Variants in FGD3 observed in about 807,000 individuals in gnomAD.
FGD3 encodes the protein FYVE, RhoGEF and PH domain-containing protein 3.
In FGD3, 45 loss-of-function variants were observed where a neutral mutation model predicts 71.8. That is an observed-to-expected ratio of 0.63 (90% CI 0.49 to 0.80). FGD3 has a LOEUF of 0.80. Among genes scored for constraint, FGD3 ranks in the 30% least tolerant of loss-of-function variants. The pLI, the probability that FGD3 is intolerant of heterozygous loss-of-function variation, is 0.00. For synonymous variants in FGD3, 378 were observed against 392.8 expected, an observed-to-expected ratio of 0.96 and a Z score of 0.44; for missense variants, 844 against 951.5, an observed-to-expected ratio of 0.89 and a Z score of 1.49.
In FGD3 at chr9:92,991,922, T is replaced by G. The variant is rs189774984; in HGVS notation, c.454-11003T>G. Reference sequence around the variant, plus strand: ...TAATGTCTTTCTTTGTTTCTTTTTATAGTTTTTGACTTGAAGTCTTCTTCG... The same window carrying G: ...TAATGTCTTTCTTTGTTTCTTTTTAGAGTTTTTGACTTGAAGTCTTCTTCG... On this transcript the variant is annotated intron_variant, in intron 3 of 17. Coordinates refer to ENST00000375482, the MANE Select transcript of FGD3 (RefSeq NM_001083536.2). 1.1e-4 allele frequency among the ~76,000 whole-genome samples: 17 copies of G among 152,348 alleles called. No individual in the cohort carries two copies. In the East Asian group the frequency reaches 3.1e-3, roughly 28 times the overall value.
chr9:93,028,218 GCACACA>G (rs547210870), intron 14 of FGD3, among the ~76,000 whole-genome samples: 173 of 141,108 alleles, frequency 1.2e-3, no homozygotes, highest in African/African-American at 4.3e-3. Context: ...ACACACACAC[GCACACA>G]CACACACACA....
At chr9:93,010,182 G>T (rs576789447) in intron 6 of FGD3, 64 bp from the exon 7 acceptor site, 6 of 1,525,778 alleles carry the variant, frequency 3.9e-6, no homozygotes, top group Admixed American at 1.9e-5. Context: ...GTGGCCAGAA[G>T]CCGGTGGGGC....
chr9:92,951,579 G>T (rs940557514), intron 1 of FGD3, among the ~76,000 whole-genome samples: 2 of 152,272 alleles, frequency 1.3e-5, no homozygotes, highest in East Asian at 3.8e-4. Context: ...GGGAGACTGA[G>T]GTGGGAGGAT....
intron 1 of FGD3, among the ~76,000 whole-genome samples, chr9:92,973,197 A>G (rs2118560657): frequency 7.0e-6 from 1 of 143,250 alleles, no homozygotes; most frequent in Non-Finnish European, 1.5e-5. Flanking sequence ...TCACCGCAAC[A>G]TCCGCCTCCT....
intron 1 of FGD3, among the ~76,000 whole-genome samples, chr9:92,953,548 C>T (rs2118497988): frequency 6.6e-6 from 1 of 152,316 alleles, no homozygotes; most frequent in African/African-American, 2.4e-5. Flanking sequence ...GCATTTTACA[C>T]ACATTTTCCC....
At chr9:92,948,402 G>A (rs748117268) in intron 1 of FGD3, among the ~76,000 whole-genome samples, 2 of 152,230 alleles carry the variant, frequency 1.3e-5, no homozygotes, top group African/African-American at 2.4e-5. Context: ...GAAAGAGGCC[G>A]CAAGGCTGGC....
chr9:92,967,135 G>C (rs1161771417), intron 1 of FGD3, among the ~76,000 whole-genome samples: 1 of 151,804 alleles, frequency 6.6e-6, no homozygotes, highest in East Asian at 1.9e-4. Flanking sequence ...CTAATTTCTT[G>C]TATTTTTAGT....
intron 13 of FGD3, among the ~76,000 whole-genome samples, chr9:93,022,033 G>A (rs1861938282): frequency 6.6e-6 from 1 of 152,188 alleles, no homozygotes; most frequent in African/African-American, 2.4e-5. Flanking sequence ...TACTCACTGG[G>A]TGACTTGGTG....
At chr9:92,996,380 G>T (rs1290755408) in intron 3 of FGD3, among the ~76,000 whole-genome samples, 2 of 151,882 alleles carry the variant, frequency 1.3e-5, no homozygotes, top group Admixed American at 6.6e-5. Flanking sequence ...TTCTTTATTA[G>T]TCTTGCTAAT....
At chr9:92,962,939 C>CAA (rs982916623) in intron 1 of FGD3, among the ~76,000 whole-genome samples, 176 of 105,898 alleles carry the variant, frequency 1.7e-3, no homozygotes, top group Middle Eastern at 4.5e-3. Flanking sequence ...GGCTCCGTCT[C>CAA]AAAAAAAAAA....
At chr9:92,980,017 G>T (rs1859925280) in intron 3 of FGD3, among the ~76,000 whole-genome samples, 1 of 144,580 alleles carries the variant, frequency 6.9e-6, no homozygotes, top group African/African-American at 2.6e-5. Context: ...TATACATTTA[G>T]ACAATAGAAT....
chr9:93,010,779 C>T (rs781120218), intron 7 of FGD3, among the ~76,000 whole-genome samples: 30 of 152,010 alleles, frequency 2.0e-4, no homozygotes, highest in Non-Finnish European at 4.0e-4. Context: ...CAGGAAGGGA[C>T]TTAGCATCTT....
intron 1 of FGD3, among the ~76,000 whole-genome samples, chr9:92,960,016 G>A (rs114574005): frequency 0.019 from 2,844 of 151,352 alleles, 102 homozygotes; most frequent in African/African-American, 0.065. Context: ...TCACGTCCCC[G>A]AGTCCCTGTG....
intron 14 of FGD3, among the ~76,000 whole-genome samples, chr9:93,023,218 C>T (rs1861992713): frequency 6.6e-6 from 1 of 152,214 alleles, no homozygotes; most frequent in Non-Finnish European, 1.5e-5. Context: ...GATGGCTGCC[C>T]TAGCCCCATC....
At position 93,017,347 on chromosome 9, in the gene FGD3, C is replaced by T. The variant is rs1175725914; in HGVS notation, c.1276-789C>T. 2.6e-5 allele frequency among the ~76,000 whole-genome samples: 4 copies of T among 152,108 alleles called. No individual in the cohort carries two copies. In the East Asian group the frequency reaches 7.7e-4, roughly 29 times the overall value. On this transcript the variant is annotated intron_variant, in intron 10 of 17. Coordinates refer to ENST00000375482, the MANE Select transcript of FGD3 (RefSeq NM_001083536.2). ...CTCTAGTTAGTGTTTTTTTTCTTAA[C>T]CTGAATTCAGAGAATTTCAAGGTAA...
intron 17 of FGD3, among the ~76,000 whole-genome samples, chr9:93,035,087 G>A (rs1470102560): frequency 6.6e-6 from 1 of 152,216 alleles, no homozygotes; most frequent in Non-Finnish European, 1.5e-5. Context: ...CATGGAGTCT[G>A]GGGGTCTGGT....
chr9:92,957,511 G>C (rs1049027984), intron 1 of FGD3, among the ~76,000 whole-genome samples: 2 of 151,840 alleles, frequency 1.3e-5, no homozygotes, highest in African/African-American at 4.8e-5. Flanking sequence ...CTTAAGTCAA[G>C]TATATGTTCC....
In FGD3 at chr9:92,968,901, G is replaced by A. The variant is rs558803822; in HGVS notation, c.-217-6337G>A. On this transcript the variant is annotated intron_variant, in intron 1 of 17. Transcript: ENST00000375482. Reference sequence around the variant, plus strand: ...TGGGATTGCAGGTGTAAGCCACTGCGCCCAGCCTGGTGGCTTTAATTGACT... The same window carrying A: ...TGGGATTGCAGGTGTAAGCCACTGCACCCAGCCTGGTGGCTTTAATTGACT... Among the ~76,000 whole-genome samples, 141 of 152,228 alleles carry A rather than the reference G, an allele frequency of 9.3e-4. 1 individual carries two copies. Among genetic ancestry groups the A allele is most frequent in the Middle Eastern group, 3.4e-3 (1 of 294 alleles).
intron 3 of FGD3, among the ~76,000 whole-genome samples, chr9:92,990,713 G>A (rs925488836): frequency 3.3e-5 from 5 of 152,232 alleles, no homozygotes; most frequent in South Asian, 2.1e-4. Flanking sequence ...TGAATGTGAT[G>A]TATCACATTT....
Sources: allele counts gnomAD v4.1 joint callset (sites outside exome capture counted in the v4.1 genomes callset), GRCh38; gene constraint gnomAD v4.1.1; transcripts MANE v1.5; gene names NCBI Gene and HGNC (gene_info 2026-07-23, HGNC 2026-07-21).